Variants in PID1 observed in about 807,000 individuals in gnomAD.
The protein encoded by PID1 is phosphotyrosine interaction domain containing 1.
In PID1, 10 loss-of-function variants were observed where a neutral mutation model predicts 19.1. The observed-to-expected ratio is 0.52, with a 90% confidence interval of 0.32 to 0.89. PID1 has a LOEUF of 0.89. PID1 is among the 40% of genes least tolerant of loss of function. PID1 has a pLI of 0.03. For missense variants in PID1, 248 were observed against 285.3 expected (o/e 0.87, Z 0.94); for synonymous variants, 130 against 116.0 (o/e 1.12, Z -0.78).
intron 2 of PID1, among the ~76,000 whole-genome samples, chr2:229,142,105 C>A (rs182033882): frequency 6.6e-6 from 1 of 152,046 alleles, no homozygotes. Flanking sequence ...TATTTGTTAC[C>A]ATTTTCTCTA....
At chr2:229,229,753 A>G (rs1278622515) in intron 1 of PID1, among the ~76,000 whole-genome samples, 1 of 152,252 alleles carries the variant, frequency 6.6e-6, no homozygotes, top group Non-Finnish European at 1.5e-5. Flanking sequence ...ACAGGCTTTC[A>G]GATGGTTCTG....
intron 1 of PID1, among the ~76,000 whole-genome samples, chr2:229,264,474 T>G (rs1473403399): frequency 1.3e-5 from 2 of 152,130 alleles, no homozygotes; most frequent in East Asian, 3.9e-4. Context: ...CCACAAGGTA[T>G]GTGGCCCCCA....
intron 2 of PID1, among the ~76,000 whole-genome samples, chr2:229,089,201 C>A (rs909563943): frequency 6.6e-6 from 1 of 152,146 alleles, no homozygotes; most frequent in Non-Finnish European, 1.5e-5. Context: ...ATCAATAACT[C>A]GCACTTGCTG....
At chr2:229,214,499 G>C (rs1040583819) in intron 1 of PID1, among the ~76,000 whole-genome samples, 11 of 152,006 alleles carry the variant, frequency 7.2e-5, no homozygotes, top group African/African-American at 2.4e-4. Context: ...CAAGTATTTG[G>C]ATTTGAAAAA....
intron 2 of PID1, among the ~76,000 whole-genome samples, chr2:229,140,693 G>C (rs1689993094): frequency 1.3e-5 from 2 of 152,028 alleles, no homozygotes; most frequent in African/African-American, 2.4e-5. Flanking sequence ...TACACTAAGA[G>C]AAATCCATCA....
intron 1 of PID1, among the ~76,000 whole-genome samples, chr2:229,183,679 AC>A (rs1183990742): frequency 2.0e-5 from 3 of 151,954 alleles, no homozygotes; most frequent in African/African-American, 7.3e-5. Context: ...GGGTTTTGAG[AC>A]CGCTGGCTTT....
intron 1 of PID1, among the ~76,000 whole-genome samples, chr2:229,237,362 G>A (rs1261795757): frequency 7.2e-5 from 11 of 152,272 alleles, no homozygotes; most frequent in Non-Finnish European, 1.3e-4. Context: ...CAAATGTTAT[G>A]TGAACATCTC....
chr2:229,026,316 T>C (rs763641663), intron 2 of PID1, among the ~76,000 whole-genome samples: 23 of 152,218 alleles, frequency 1.5e-4, no homozygotes, highest in Non-Finnish European at 2.6e-4. Context: ...TTGAAATTAT[T>C]TGAATAGAGT....
chr2:229,253,931 G>A (rs1451648178), intron 1 of PID1, among the ~76,000 whole-genome samples: 1 of 152,226 alleles, frequency 6.6e-6, no homozygotes, highest in Admixed American at 6.5e-5. Flanking sequence ...TGAAAGGAGA[G>A]GGAGAGGATA....
intron 2 of PID1, 131 bp downstream of exon 2, chr2:229,155,687 G>T: frequency 1.3e-6 from 1 of 761,136 alleles, no homozygotes; most frequent in Non-Finnish European, 2.1e-6. Context: ...ATCACTCTGT[G>T]AATTTATTTT....
intron 2 of PID1, among the ~76,000 whole-genome samples, chr2:229,125,405 C>CAAAAAAAAAAAAAAAAA (rs5839305): frequency 6.9e-6 from 1 of 144,356 alleles, no homozygotes; most frequent in Non-Finnish European, 1.5e-5. Context: ...TTCAAGTAGC[C>CAAAAAAAAAAAAAAAAA]AAAAAAAAAA....
intron 2 of PID1, among the ~76,000 whole-genome samples, chr2:229,149,861 C>T (rs926554773): frequency 2.0e-5 from 3 of 152,066 alleles, no homozygotes; most frequent in African/African-American, 7.2e-5. Context: ...AAGGAACAAG[C>T]GCTGCCGGAT....
chr2:229,169,089 C>G (rs1574686720), intron 1 of PID1, among the ~76,000 whole-genome samples: 3 of 152,192 alleles, frequency 2.0e-5, no homozygotes, highest in Admixed American at 6.5e-5. Context: ...TGATACTAGC[C>G]TGTGAGTTAG....
At chr2:229,154,361 T>C (rs534877740) in intron 2 of PID1, among the ~76,000 whole-genome samples, 1 of 151,366 alleles carries the variant, frequency 6.6e-6, no homozygotes, top group South Asian at 2.1e-4. Flanking sequence ...ACCACCCACC[T>C]CATAGAATTA....
At chr2:229,107,030 G>A (rs542013713) in intron 2 of PID1, among the ~76,000 whole-genome samples, 2 of 152,316 alleles carry the variant, frequency 1.3e-5, no homozygotes, top group East Asian at 3.9e-4. Context: ...AGACAGGAGA[G>A]AGAGATTTGA....
intron 2 of PID1, among the ~76,000 whole-genome samples, chr2:229,139,621 G>A (rs902001272): frequency 1.3e-5 from 2 of 152,144 alleles, no homozygotes; most frequent in Non-Finnish European, 2.9e-5. Context: ...CTTGATCTAC[G>A]AATGTAGAGT....
chr2:229,141,779 C>T (rs137941804), intron 2 of PID1, among the ~76,000 whole-genome samples: 2 of 152,066 alleles, frequency 1.3e-5, no homozygotes, highest in African/African-American at 4.8e-5. Flanking sequence ...TCTGAAGATG[C>T]CTGGTGACTC....
intron 1 of PID1, among the ~76,000 whole-genome samples, chr2:229,258,861 CAAAAAAAAAA>C (rs60923610): frequency 1.5e-5 from 1 of 66,998 alleles, no homozygotes; most frequent in South Asian, 5.6e-4. Context: ...GACTCCGTCT[CAAAAAAAAAA>C]AAAAAAAAAA....
At chr2:229,190,879 A>G (rs1238201651) in intron 1 of PID1, among the ~76,000 whole-genome samples, 2 of 152,178 alleles carry the variant, frequency 1.3e-5, no homozygotes, top group African/African-American at 4.8e-5. Flanking sequence ...TCACCCCCAT[A>G]GAGGCAAAAA....
Sources: allele counts gnomAD v4.1 joint callset (sites outside exome capture counted in the v4.1 genomes callset), GRCh38; gene constraint gnomAD v4.1.1; transcripts MANE v1.5; gene names NCBI Gene and HGNC (gene_info 2026-07-23, HGNC 2026-07-21).